The following CNTNAP2 variants were observed in gnomAD, a reference collection of about 807,000 sequenced individuals.
CNTNAP2 encodes the protein contactin associated protein 2, also known as contactin-associated protein-like 2.
In CNTNAP2, 98 loss-of-function variants were observed where a neutral mutation model predicts 155.2. That is an observed-to-expected ratio of 0.63 (90% CI 0.54 to 0.75). The LOEUF is 0.75. Among genes scored for constraint, CNTNAP2 ranks in the 30% least tolerant of loss-of-function variants. The pLI is 0.00. For missense variants in CNTNAP2, 1,727 were observed against 1,688.1 expected, an observed-to-expected ratio of 1.02 and a Z score of -0.40; for synonymous variants, 651 against 631.2, an observed-to-expected ratio of 1.03 and a Z score of -0.47.
intron 21 of CNTNAP2, among the ~76,000 whole-genome samples, chr7:148,350,402 T>G (rs1466522733): frequency 2.0e-5 from 3 of 152,250 alleles, no homozygotes; most frequent in Non-Finnish European, 4.4e-5. Flanking sequence ...AAGGGATTCA[T>G]GAGTAGTAAG....
chr7:147,474,940 A>C (rs1246341721), intron 10 of CNTNAP2, among the ~76,000 whole-genome samples: 2 of 152,166 alleles, frequency 1.3e-5, no homozygotes, highest in African/African-American at 2.4e-5. Context: ...TTCACTATTC[A>C]CACAACAGCT....
At chr7:146,182,907 C>G (rs1471942196) in intron 1 of CNTNAP2, among the ~76,000 whole-genome samples, 2 of 152,130 alleles carry the variant, frequency 1.3e-5, no homozygotes, top group Non-Finnish European at 2.9e-5. Context: ...AGGTCCTGCT[C>G]ATCTTTCTAT....
rs569970683 is a variant in CNTNAP2 at position 146,755,933 on chromosome 7, A to G, written c.98-18338A>G. ...TTGTCCATTTTCTAAAATAGAATAT[A>G]CTTTGTAAGGATTTTCAATAAGTTT... is the stretch of plus-strand genomic sequence containing the variant. On this transcript the variant is annotated intron_variant, in intron 1 of 23. Coordinates refer to ENST00000361727, the MANE Select transcript of CNTNAP2 (RefSeq NM_014141.6). Among the ~76,000 whole-genome samples, 3 of 152,064 alleles carry G rather than the reference A, an allele frequency of 2.0e-5. No homozygotes were observed. The East Asian group carries it at 5.8e-4, about 29-fold the overall frequency.
chr7:148,026,059 G>C lies in CNTNAP2; in HGVS notation c.2383+48070G>C, dbSNP rs116665991. 2.8e-3 allele frequency among the ~76,000 whole-genome samples: 431 copies of C among 152,310 alleles called. 4 individuals are homozygous for C. The highest frequency in any genetic ancestry group is 9.7e-3 in the African/African-American group (405 of 41,566). On this transcript the variant is annotated intron_variant, in intron 15 of 23. Transcript: ENST00000361727. ...AGGAAAAGGTAAGGCAAGGGCAGAG[G>C]TTGGACCCTTGTCCCTTAGGACAAA...
chr7:147,411,544 C>T (rs1457468788), intron 10 of CNTNAP2, among the ~76,000 whole-genome samples: 1 of 152,132 alleles, frequency 6.6e-6, no homozygotes, highest in Non-Finnish European at 1.5e-5. Flanking sequence ...CGATCCGAGA[C>T]CCAGACTCAA....
At chr7:147,295,430 C>A (rs574445335) in intron 8 of CNTNAP2, among the ~76,000 whole-genome samples, 1 of 152,212 alleles carries the variant, frequency 6.6e-6, no homozygotes, top group South Asian at 2.1e-4. Context: ...AAATTCTAAC[C>A]TTTACCTGTT....
In CNTNAP2 at chr7:148,385,566, G is replaced by C. The variant is rs74840874; in HGVS notation, c.3715+1678G>C. Among the ~76,000 whole-genome samples the C allele has an allele frequency of 1.8e-3, 277 of 152,136 alleles. 3 individuals are homozygous for C. The East Asian group carries it at 0.043, about 24-fold the overall frequency. On this transcript the variant is annotated intron_variant, in intron 22 of 23. Coordinates refer to ENST00000361727, the MANE Select transcript of CNTNAP2 (RefSeq NM_014141.6). ...TGTGAGCACCTGTGGTCTGAGTCAG[G>C]GCCAATAGACTAGTTTCTAAAACAT...
chr7:147,592,490 T>G (rs1230837241), intron 12 of CNTNAP2, among the ~76,000 whole-genome samples: 3 of 150,844 alleles, frequency 2.0e-5, no homozygotes, highest in African/African-American at 7.3e-5. Context: ...TTTTTTTTTT[T>G]GCAAATGATT....
intron 10 of CNTNAP2, among the ~76,000 whole-genome samples, chr7:147,466,209 A>G (rs1034022208): frequency 6.6e-6 from 1 of 152,234 alleles, no homozygotes; most frequent in East Asian, 1.9e-4. Context: ...TAATAGATTT[A>G]GTGGGGAAAC....
chr7:146,995,431 T>C (rs2129239670), intron 3 of CNTNAP2, among the ~76,000 whole-genome samples: 1 of 152,206 alleles, frequency 6.6e-6, no homozygotes, highest in Non-Finnish European at 1.5e-5. Flanking sequence ...ATAATGACTA[T>C]ATTAATGTAT....
chr7:147,300,395 G>C (rs1412356846), intron 9 of CNTNAP2, 105 bp downstream of exon 9: 4 of 1,274,900 alleles, frequency 3.1e-6, no homozygotes, highest in Admixed American at 2.0e-5. Flanking sequence ...TGACTCAGTA[G>C]ATCTCATGAC....
rs544359669 is a variant in CNTNAP2 at position 147,222,018 on chromosome 7, A to G, written c.1349-78123A>G. On this transcript the variant is annotated intron_variant, in intron 8 of 23. Transcript: ENST00000361727. ...CACCCCCTCTCTGGCTTCTTTCAGG[A>G]TTTTTTCTTTACCTTTAATTTTATA... Among the ~76,000 whole-genome samples the G allele has an allele frequency of 8.6e-5, 13 of 151,806 alleles. No homozygotes were observed. In the East Asian group the frequency reaches 2.5e-3, roughly 29 times the overall value.
At chr7:148,109,350 G>GAT (rs1804291331) in intron 15 of CNTNAP2, among the ~76,000 whole-genome samples, 1 of 127,308 alleles carries the variant, frequency 7.9e-6, no homozygotes, top group Non-Finnish European at 1.7e-5. Context: ...AAAGAAGAGA[G>GAT]GTGTTTTGTT....
rs538058818 is a variant in CNTNAP2 at position 146,276,643 on chromosome 7, T to C, written c.97+159670T>C. On this transcript the variant is annotated intron_variant, in intron 1 of 23. Coordinates refer to ENST00000361727, the MANE Select transcript of CNTNAP2 (RefSeq NM_014141.6). ...ATGTCAGGCTGCTGAAGCCATAGCC[T>C]GCCCTGCCAACAGGCACCATGAAAG... is the stretch of plus-strand genomic sequence containing the variant. Among the ~76,000 whole-genome samples the C allele has an allele frequency of 2.0e-3, 309 of 152,312 alleles. 3 individuals carry two copies. The highest frequency in any genetic ancestry group is 7.0e-3 in the African/African-American group (290 of 41,562).
chr7:146,389,221 A>C (rs1212877024), intron 1 of CNTNAP2, among the ~76,000 whole-genome samples: 1 of 92,458 alleles, frequency 1.1e-5, no homozygotes, highest in African/African-American at 4.5e-5. Flanking sequence ...TGTAGGAAAT[A>C]GTCACACACA....
intron 15 of CNTNAP2, among the ~76,000 whole-genome samples, chr7:148,024,938 G>A: frequency 6.6e-6 from 1 of 152,122 alleles, no homozygotes; most frequent in East Asian, 1.9e-4. Context: ...AACAGTGAGA[G>A]GAATCTCACC....
At chr7:146,840,196 A>G (rs1219216152) in intron 3 of CNTNAP2, among the ~76,000 whole-genome samples, 1 of 152,210 alleles carries the variant, frequency 6.6e-6, no homozygotes, top group Non-Finnish European at 1.5e-5. Context: ...GTAAGTTGAA[A>G]TAGTGATTAA....
At chr7:147,586,179 G>T (rs149955341) in intron 12 of CNTNAP2, among the ~76,000 whole-genome samples, 5 of 152,118 alleles carry the variant, frequency 3.3e-5, no homozygotes, top group Non-Finnish European at 7.4e-5. Flanking sequence ...TCTGGGTTAC[G>T]TTAAGGGGTT....
At chr7:147,145,695 A>G (rs573846078) in intron 8 of CNTNAP2, among the ~76,000 whole-genome samples, 6 of 152,088 alleles carry the variant, frequency 3.9e-5, no homozygotes, top group Non-Finnish European at 8.8e-5. Flanking sequence ...ATTTTGCTCT[A>G]TGTTGTTATG....
Sources: gnomAD v4.1 joint callset for allele counts (sites outside exome capture counted in the v4.1 genomes callset) on GRCh38, gnomAD v4.1.1 for gene constraint, MANE v1.5 for transcripts, NCBI Gene and HGNC (gene_info 2026-07-23, HGNC 2026-07-21) for gene names.